The following TIAM2 variants were observed in gnomAD, a reference collection of about 807,000 sequenced individuals.
TIAM2 encodes the protein rho guanine nucleotide exchange factor TIAM2.
Under a neutral mutation model 152.9 loss-of-function variants are expected in TIAM2, and 80 were observed. The observed-to-expected ratio is 0.52, with a 90% CI of 0.44 to 0.63. The LOEUF is 0.63. TIAM2 is among the 30% of genes least tolerant of loss of function. TIAM2 has a pLI of 0.00. For synonymous variants in TIAM2, 804 were observed against 838.0 expected (o/e 0.96, Z 0.70); for missense variants, 1,965 against 2,120.1 (o/e 0.93, Z 1.44).
chr6:155,103,462 G>A (rs940520019), intron 2 of TIAM2, among the ~76,000 whole-genome samples: 4 of 152,220 alleles, frequency 2.6e-5, no homozygotes, highest in African/African-American at 4.8e-5. Flanking sequence ...GGTAGCTCAC[G>A]CCTGTAATCC....
chr6:155,007,260 TGTTA>T (rs1279778061), intron 1 of TIAM2, among the ~76,000 whole-genome samples: 1 of 152,176 alleles, frequency 6.6e-6, no homozygotes, highest in Non-Finnish European at 1.5e-5. Flanking sequence ...GATCTAACCA[TGTTA>T]GTTAACTTGC....
At chr6:155,148,356 GTTTTC>G in intron 7 of TIAM2, 22 bp downstream of exon 7, 1 of 1,601,240 alleles carries the variant, frequency 6.2e-7, no homozygotes, top group South Asian at 1.1e-5. Flanking sequence ...CTACACCTGA[GTTTTC>G]TTCCATTGCT....
chr6:155,187,729 C>G (rs1273316748), intron 14 of TIAM2, among the ~76,000 whole-genome samples: 3 of 151,908 alleles, frequency 2.0e-5, no homozygotes, highest in Non-Finnish European at 4.4e-5. Context: ...CAGGCATGCA[C>G]CACCACGCCT....
At position 155,134,165 on chromosome 6, in the gene TIAM2, A is replaced by G. The variant is rs73004970; in HGVS notation, c.1195-3012A>G. Among the ~76,000 whole-genome samples the G allele has an allele frequency of 4.0e-3, 430 of 108,140 alleles. 2 individuals carry two copies. Among genetic ancestry groups the G allele is most frequent in the African/African-American group, 0.011 (372 of 32,976 alleles). The allele number at this position is 108,140 out of a possible 152,430, so 70.9% of individuals were successfully genotyped here. ...TCGTATGATTTGTGTGTGTGTGTAT[A>G]TATATATATATAGCAGGCACCTTAG... On this transcript the variant is annotated intron_variant, in intron 4 of 26. Transcript: ENST00000682666.
chr6:155,183,582 A>G, intron 14 of TIAM2, 82 bp downstream of exon 14: 2 of 1,476,820 alleles, frequency 1.4e-6, no homozygotes, highest in Non-Finnish European at 1.8e-6. Context: ...TTGCAAACTC[A>G]GATTATTTAA....
At chr6:155,167,888 T>C (rs1273400684) in intron 9 of TIAM2, among the ~76,000 whole-genome samples, 1 of 152,224 alleles carries the variant, frequency 6.6e-6, no homozygotes, top group Non-Finnish European at 1.5e-5. Flanking sequence ...AATAATAACT[T>C]GATAAATAAC....
chr6:155,009,456 A>G (rs1381854166), intron 1 of TIAM2, among the ~76,000 whole-genome samples: 1 of 152,010 alleles, frequency 6.6e-6, no homozygotes, highest in Non-Finnish European at 1.5e-5. Flanking sequence ...TGATGTTTCT[A>G]GGTGATGCTG....
intron 1 of TIAM2, among the ~76,000 whole-genome samples, chr6:155,064,953 A>G (rs1197695529): frequency 6.8e-6 from 1 of 147,602 alleles, no homozygotes; most frequent in African/African-American, 2.5e-5. Flanking sequence ...TCCTATATAC[A>G]GTATTTTTTG....
intron 2 of TIAM2, among the ~76,000 whole-genome samples, chr6:155,119,773 A>G (rs536988908): frequency 6.6e-5 from 10 of 152,316 alleles, no homozygotes; most frequent in African/African-American, 2.4e-4. Flanking sequence ...TTCTTTTTTA[A>G]TCGTGACTCA....
At chr6:155,044,754 G>A (rs1381464357) in intron 1 of TIAM2, among the ~76,000 whole-genome samples, 1 of 151,898 alleles carries the variant, frequency 6.6e-6, no homozygotes, top group Non-Finnish European at 1.5e-5. Context: ...AGAGGCTGCT[G>A]TGAGCCGAGA....
At chr6:155,232,714 A>AG (rs145323754) in intron 15 of TIAM2, 64,413 of 151,586 alleles carry the variant, frequency 0.42, 14,551 homozygotes, top group Middle Eastern at 0.56. Context: ...GCGGAGGGAG[A>AG]GGGATCTCCC....
intron 2 of TIAM2, among the ~76,000 whole-genome samples, chr6:155,097,210 C>A (rs773103767): frequency 6.6e-6 from 1 of 152,074 alleles, no homozygotes; most frequent in Non-Finnish European, 1.5e-5. Context: ...TTGTTTTTTG[C>A]TGTTGAGTAG....
At chr6:155,110,151 C>T (rs1169294158) in intron 2 of TIAM2, among the ~76,000 whole-genome samples, 2 of 151,778 alleles carry the variant, frequency 1.3e-5, no homozygotes, top group African/African-American at 4.8e-5. Context: ...CGGGGTTTCA[C>T]CATGTTGGCC....
intron 1 of TIAM2, among the ~76,000 whole-genome samples, chr6:155,041,523 G>A (rs759990098): frequency 9.2e-5 from 14 of 152,286 alleles, no homozygotes; most frequent in Middle Eastern, 3.4e-3. Flanking sequence ...GAAGAATTCT[G>A]TATTGTTCTG....
chr6:155,107,628 T>C (rs1350961145), intron 2 of TIAM2, among the ~76,000 whole-genome samples: 1 of 152,234 alleles, frequency 6.6e-6, no homozygotes, highest in East Asian at 1.9e-4. Flanking sequence ...AATTTTTAGC[T>C]GAGTGGGCTA....
intron 2 of TIAM2, among the ~76,000 whole-genome samples, chr6:155,118,731 G>A (rs1253480954): frequency 1.3e-5 from 2 of 151,956 alleles, no homozygotes; most frequent in African/African-American, 2.4e-5. Flanking sequence ...CACCGCGCAC[G>A]GCCTTCTCTT....
chr6:155,019,258 G>A (rs1416911740), intron 1 of TIAM2, among the ~76,000 whole-genome samples: 1 of 151,748 alleles, frequency 6.6e-6, no homozygotes, highest in African/African-American at 2.4e-5. Context: ...CATTTGAACC[G>A]GGGAGGTGGA....
At chr6:155,256,190 G>A in intron 26 of TIAM2, 1 of 543,374 alleles carries the variant, frequency 1.8e-6, no homozygotes, top group African/African-American at 1.9e-5. Flanking sequence ...TTACTCCTTG[G>A]CAAAATAAGA....
At position 155,214,243 on chromosome 6, in the gene TIAM2, G is replaced by A. The variant is rs772333437; in HGVS notation, c.3168+2936G>A. Among the ~76,000 whole-genome samples, 3 of 152,216 alleles carry A rather than the reference G, an allele frequency of 2.0e-5. No homozygotes were observed. Among genetic ancestry groups the A allele is most frequent in the Non-Finnish European group, 2.9e-5 (2 of 68,036 alleles). On this transcript the variant is annotated intron_variant, in intron 15 of 26. Transcript: ENST00000682666. The surrounding 1 kb of genome is among the most constrained non-coding windows in gnomAD (Gnocchi z 5.4). ...TGGCCGTGCCTCCCCCGGTGCAGCC[G>A]GCATCATCGCAGTGACTGTTCCAGA...
Sources: gnomAD v4.1 joint callset for allele counts (sites outside exome capture counted in the v4.1 genomes callset) on GRCh38, gnomAD v4.1.1 for gene constraint, Gnocchi (gnomAD v3.1) non-coding constraint, MANE v1.5 for transcripts, NCBI Gene and HGNC (gene_info 2026-07-23, HGNC 2026-07-21) for gene names.